The following GNB1L variants were observed in gnomAD, a reference collection of about 807,000 sequenced individuals.
GNB1L encodes G protein subunit beta 1 like, also known as guanine nucleotide-binding protein subunit beta-like protein 1.
In GNB1L, 20 loss-of-function variants were observed where a neutral mutation model predicts 29.1. That is an observed-to-expected ratio of 0.69 (90% CI 0.48 to 1.00). GNB1L has a LOEUF of 1.00. Among genes scored for constraint, GNB1L ranks in the 50% least tolerant of loss-of-function variants. The pLI is 0.00. For missense variants in GNB1L, 421 were observed against 464.9 expected (o/e 0.91, Z 0.87); for synonymous variants, 193 against 206.5 (o/e 0.93, Z 0.56).
chr22:19,817,454 C>T (rs534744319), intron 4 of GNB1L, among the ~76,000 whole-genome samples: 4 of 152,180 alleles, frequency 2.6e-5, no homozygotes, highest in African/African-American at 9.6e-5. Context: ...GCACTCCAGC[C>T]TGGCAACAGA....
intron 2 of GNB1L, among the ~76,000 whole-genome samples, chr22:19,844,499 C>T (rs967563698): frequency 6.6e-6 from 1 of 152,222 alleles, no homozygotes; most frequent in Non-Finnish European, 1.5e-5. Context: ...TCAGCAGGGG[C>T]GCCAGGCAGG....
At chr22:19,806,551 G>T in intron 6 of GNB1L, 108 bp downstream of exon 6, 1 of 676,204 alleles carries the variant, frequency 1.5e-6, no homozygotes, top group Non-Finnish European at 2.6e-6. Flanking sequence ...CGGCAGGGGG[G>T]TGGGGTGTTG....
intron 6 of GNB1L, among the ~76,000 whole-genome samples, chr22:19,803,033 T>C (rs946711211): frequency 3.3e-5 from 5 of 152,152 alleles, no homozygotes; most frequent in African/African-American, 4.8e-5. Context: ...CACCAGGGCG[T>C]GTGCCTAACA....
chr22:19,803,047 GGATGCTGAGTCCTCA>G (rs1569040984), intron 6 of GNB1L, among the ~76,000 whole-genome samples: 1 of 152,208 alleles, frequency 6.6e-6, no homozygotes, highest in Non-Finnish European at 1.5e-5. Context: ...CCTAACAAAG[GGATGCTGAGTCCTCA>G]GACACCACAA....
intron 2 of GNB1L, among the ~76,000 whole-genome samples, chr22:19,842,584 C>T (rs1344197705): frequency 6.6e-6 from 1 of 152,212 alleles, no homozygotes; most frequent in Non-Finnish European, 1.5e-5. Context: ...CATCCCCCTT[C>T]AAGGGAGGCC....
intron 4 of GNB1L, among the ~76,000 whole-genome samples, chr22:19,814,030 G>T (rs1937516285): frequency 6.6e-6 from 1 of 152,160 alleles, no homozygotes; most frequent in South Asian, 2.1e-4. Context: ...GAAGGACACG[G>T]ACTCTGAAGC....
intron 2 of GNB1L, chr22:19,852,298 C>T (rs1938127181): frequency 6.4e-7 from 1 of 1,569,514 alleles, no homozygotes; most frequent in South Asian, 1.2e-5. Flanking sequence ...AGAGCCAGCA[C>T]TGGTGGGTGG....
rs772191755 is a variant in GNB1L at position 19,812,432 on chromosome 22, C to G, written c.270G>C (p.Leu90=). The G allele has an allele frequency of 6.2e-7, 1 of 1,612,812 alleles. No individual in the cohort carries two copies. The highest frequency in any genetic ancestry group is 2.2e-5 in the East Asian group (1 of 44,860). ...GRQLLSQGRD[L]KLCLWDLAEG... is the part of the protein sequence containing the mutation. ...CCGCGAGGTCCCACAGGCACAGCTT[C>G]AGGTCCCGGCCCTGACTGCCAGACA... The change falls in exon 5 of 8, where the codon CTG becomes CTC. Residue 90 remains leucine (L), a synonymous_variant. Coordinates refer to ENST00000329517, the MANE Select transcript of GNB1L (RefSeq NM_053004.3).
In GNB1L at chr22:19,801,950, G is replaced by A. The variant is rs5748436; in HGVS notation, c.732+51C>T. 49 of 1,377,964 alleles carry A rather than the reference G, an allele frequency of 3.6e-5. No individual in the cohort carries two copies. The South Asian group carries it at 6.2e-4, about 17-fold the overall frequency. 85.4% of individuals were successfully genotyped at this position (1,377,964 alleles called of 1,614,324 possible). A position where few individuals can be genotyped will look rare whatever the true frequency, so the allele number is the denominator to read the frequency against. On this transcript the variant is annotated intron_variant, in intron 7 of 7. Coordinates refer to ENST00000329517, the MANE Select transcript of GNB1L (RefSeq NM_053004.3). Reference sequence around the variant, plus strand: ...GCCTAAATATTGTTTCAGCCTATCAGACTGTTAGTGCAGAGCAGGATAAAT... The same window carrying A: ...GCCTAAATATTGTTTCAGCCTATCAAACTGTTAGTGCAGAGCAGGATAAAT...
intron 5 of GNB1L, among the ~76,000 whole-genome samples, chr22:19,808,519 G>A (rs1238151580): frequency 6.6e-6 from 1 of 152,214 alleles, no homozygotes. Flanking sequence ...GGGTAAAACA[G>A]AGGTCTCTGT....
intron 2 of GNB1L, chr22:19,851,047 A>G: frequency 6.9e-7 from 1 of 1,448,200 alleles, no homozygotes; most frequent in Non-Finnish European, 9.1e-7. Context: ...CATCTTGCCC[A>G]GCTATGGGGT....
rs369098882 is a variant in GNB1L at position 19,852,272 on chromosome 22, C to T, written c.-21+2171G>A. ...CCGGCCACGAGGCATGCTGGGAGCACAGGGGAGAAGAGAGGAGAGCCAGCA... is the reference window on the plus strand; with the variant it reads ...CCGGCCACGAGGCATGCTGGGAGCATAGGGGAGAAGAGAGGAGAGCCAGCA... On this transcript the variant is annotated intron_variant, in intron 2 of 7. Coordinates refer to ENST00000329517, the MANE Select transcript of GNB1L (RefSeq NM_053004.3). The T allele has an allele frequency of 7.5e-6, 12 of 1,593,080 alleles. No individual in the cohort carries two copies. In the African/African-American group the frequency reaches 1.2e-4, roughly 16 times the overall value.
At chr22:19,830,159 C>T (rs1244337173) in intron 2 of GNB1L, among the ~76,000 whole-genome samples, 2 of 152,078 alleles carry the variant, frequency 1.3e-5, no homozygotes, top group Non-Finnish European at 2.9e-5. Flanking sequence ...ATGATCACAC[C>T]TGTGACTAGC....
intron 5 of GNB1L, among the ~76,000 whole-genome samples, chr22:19,810,144 G>A (rs1199297435): frequency 6.6e-6 from 1 of 152,222 alleles, no homozygotes; most frequent in Non-Finnish European, 1.5e-5. Flanking sequence ...ATGGGGTGGG[G>A]AGGTAGGGGA....
At chr22:19,812,152 C>G (rs1253558773) in intron 5 of GNB1L, 133 bp downstream of exon 5, 7 of 930,986 alleles carry the variant, frequency 7.5e-6, no homozygotes, top group Non-Finnish European at 1.1e-5. Context: ...GCATCAGCCC[C>G]GGCTGCTGAA....
chr22:19,821,152 GC>G, intron 3 of GNB1L, 75 bp downstream of exon 3: 2 of 1,451,640 alleles, frequency 1.4e-6, no homozygotes, highest in Non-Finnish European at 1.9e-6. Flanking sequence ...CCTCAAACAA[GC>G]GCTGGGCTCC....
intron 2 of GNB1L, chr22:19,846,593 C>T: frequency 2.0e-6 from 2 of 981,010 alleles, no homozygotes; most frequent in Non-Finnish European, 2.4e-6. Context: ...AACTATGTCC[C>T]TTCAATATTT....
intron 2 of GNB1L, 109 bp from the exon 3 acceptor site, chr22:19,821,484 G>T (rs1021074806): frequency 1.8e-5 from 20 of 1,101,972 alleles, no homozygotes; most frequent in African/African-American, 3.1e-5. Flanking sequence ...CATTGTCTCT[G>T]GCCCTGTGCC....
chr22:19,808,170 C>G (rs1352820898), intron 5 of GNB1L, among the ~76,000 whole-genome samples: 1 of 152,148 alleles, frequency 6.6e-6, no homozygotes, highest in Non-Finnish European at 1.5e-5. Context: ...GGGCTTCAGC[C>G]CCACTCAGCC....
Sources: allele counts gnomAD v4.1 joint callset (sites outside exome capture counted in the v4.1 genomes callset), GRCh38; gene constraint gnomAD v4.1.1; transcripts MANE v1.5; gene names NCBI Gene and HGNC (gene_info 2026-07-23, HGNC 2026-07-21).